PTPRZ1: variants seen among roughly 807,000 people sequenced by gnomAD.
PTPRZ1 encodes the protein receptor-type tyrosine-protein phosphatase zeta.
Under a neutral mutation model 214.1 loss-of-function variants are expected in PTPRZ1, and 82 were observed. The observed-to-expected ratio is 0.38, with a 90% CI of 0.32 to 0.46. The LOEUF is 0.46. PTPRZ1 is among the 20% of genes least tolerant of loss of function. The probability of loss-of-function intolerance (pLI) is 1.00; values close to 1 mark genes in which losing one functional copy is unlikely to be tolerated. For synonymous variants in PTPRZ1, 945 were observed against 987.9 expected (o/e 0.96, Z 0.81); for missense variants, 2,603 against 2,748.7 (o/e 0.95, Z 1.19).
chr7:122,021,898 T>G (rs1231372839), intron 13 of PTPRZ1, among the ~76,000 whole-genome samples: 1 of 152,210 alleles, frequency 6.6e-6, no homozygotes, highest in African/African-American at 2.4e-5. Flanking sequence ...AAATATAAAT[T>G]TTCATATCAT....
intron 1 of PTPRZ1, among the ~76,000 whole-genome samples, chr7:121,891,226 G>A (rs1794596151): frequency 6.6e-6 from 1 of 151,992 alleles, no homozygotes; most frequent in South Asian, 2.1e-4. Context: ...CAGTGATATT[G>A]CAACCACCTC....
At chr7:122,000,556 A>G (rs1406922954) in intron 10 of PTPRZ1, among the ~76,000 whole-genome samples, 3 of 149,086 alleles carry the variant, frequency 2.0e-5, no homozygotes, top group Non-Finnish European at 3.0e-5. Flanking sequence ...TTTAGGATAA[A>G]CTGTTTACTA....
intron 23 of PTPRZ1, among the ~76,000 whole-genome samples, chr7:122,045,214 T>C (rs1799851981): frequency 1.3e-5 from 2 of 152,168 alleles, no homozygotes; most frequent in Non-Finnish European, 2.9e-5. Flanking sequence ...ATCGTAGCTT[T>C]CCACAGGAAT....
intron 24 of PTPRZ1, 132 bp from the exon 25 acceptor site, chr7:122,051,734 G>T: frequency 1.1e-6 from 1 of 929,104 alleles, no homozygotes; most frequent in South Asian, 1.5e-5. Flanking sequence ...ACAGATCAGA[G>T]ACACTTCAAC....
chr7:121,885,632 A>G lies in PTPRZ1; in HGVS notation c.58+12075A>G, dbSNP rs141334314. On this transcript the variant is annotated intron_variant, in intron 1 of 29. Transcript: ENST00000393386. ...ATTCTTGGCATAAGAAATCAAGAAA[A>G]CACAAGATGCTTCCATGTTTCTCAA... Among the ~76,000 whole-genome samples, 562 of 152,306 alleles carry G rather than the reference A, an allele frequency of 3.7e-3. 3 individuals are homozygous for G. The highest frequency in any genetic ancestry group is 6.2e-3 in the Admixed American group (94 of 15,282).
At chr7:121,924,601 T>C (rs1186537900) in intron 1 of PTPRZ1, among the ~76,000 whole-genome samples, 2 of 152,172 alleles carry the variant, frequency 1.3e-5, no homozygotes, top group Admixed American at 1.3e-4. Flanking sequence ...GGGATAAAAC[T>C]CTACAAGGAA....
At chr7:121,947,132 TCTTGTCC>T (rs1350708775) in intron 2 of PTPRZ1, among the ~76,000 whole-genome samples, 3 of 152,150 alleles carry the variant, frequency 2.0e-5, no homozygotes, top group Non-Finnish European at 4.4e-5. Flanking sequence ...AGGAAAATAT[TCTTGTCC>T]TTAAGAAGCT....
chr7:122,035,358 A>G (rs1041675893), intron 17 of PTPRZ1, among the ~76,000 whole-genome samples: 4 of 152,140 alleles, frequency 2.6e-5, no homozygotes, highest in Non-Finnish European at 5.9e-5. Context: ...AACTGCGTCT[A>G]TCCTGGCTAC....
rs948745901 is a variant in PTPRZ1 at position 121,930,233 on chromosome 7, A to T, written c.124+2012A>T. On this transcript the variant is annotated intron_variant, in intron 2 of 29. Transcript: ENST00000393386. ...GACCTCTGTAATATTGTACAGAAAG[A>T]CCTACTATTAATTTACTCATTTATA... Among the ~76,000 whole-genome samples the T allele has an allele frequency of 5.9e-5, 9 of 152,126 alleles. No homozygotes were observed. The East Asian group carries it at 1.7e-3, about 29-fold the overall frequency.
Position 122,028,557 on chromosome 7 carries a change from G to T in PTPRZ1, c.4994G>T (p.Cys1665Phe), listed in dbSNP as rs1389040369. The stretch of plus-strand genomic sequence containing the variant: ...TTGTGTTCTTTTATTTCCAGGAAAT[G>T]CTTCCAGACTGCACACTTTTACTTA... Reference protein sequence around the residue: ...LVGILIYWRKCFQTAHFYLED... With the variant: ...LVGILIYWRKFFQTAHFYLED... Residue 1665 changes from cysteine to phenylalanine, a missense_variant, in exon 14 of 30, where the codon TGC becomes TTC. Coordinates refer to ENST00000393386, the MANE Select transcript of PTPRZ1 (RefSeq NM_002851.3). 2 of 1,531,928 alleles carry T rather than the reference G, an allele frequency of 1.3e-6. No homozygotes were observed. Among genetic ancestry groups the T allele is most frequent in the African/African-American group, 2.7e-5 (2 of 72,974 alleles). 94.9% of individuals were successfully genotyped at this position (1,531,928 alleles called of 1,614,324 possible). A position where few individuals can be genotyped will look rare whatever the true frequency, so the allele number is the denominator to read the frequency against.
At position 122,054,266 on chromosome 7, in the gene PTPRZ1, T is replaced by C. The variant is rs924936014; in HGVS notation, c.6381+228T>C. On this transcript the variant is annotated intron_variant, in intron 26 of 29. Transcript: ENST00000393386. ...GAAAGTAGATATAAATGAACTTAAA[T>C]GTATGTGTTTTGTGACATTGCTTAA... Among the ~76,000 whole-genome samples, 10 of 152,316 alleles carry C rather than the reference T, an allele frequency of 6.6e-5. No homozygotes were observed. In the South Asian group the frequency reaches 1.7e-3, roughly 25 times the overall value.
chr7:121,876,360 C>A (rs1322769978), intron 1 of PTPRZ1, among the ~76,000 whole-genome samples: 1 of 152,114 alleles, frequency 6.6e-6, no homozygotes, highest in Admixed American at 6.5e-5. Context: ...AATTCAGGAT[C>A]TTTGAATTAA....
chr7:121,882,739 A>C lies in PTPRZ1; in HGVS notation c.58+9182A>C, dbSNP rs1794281012. On this transcript the variant is annotated intron_variant, in intron 1 of 29. Transcript: ENST00000393386. ...AAGCCGAGGGAGACAGGGAATCAGGAAGCTTGGTTAAAAGCCTCTTACACG... is the reference window on the plus strand; with the variant it reads ...AAGCCGAGGGAGACAGGGAATCAGGCAGCTTGGTTAAAAGCCTCTTACACG... 2.6e-5 allele frequency among the ~76,000 whole-genome samples: 4 copies of C among 152,302 alleles called. 1 individual carries two copies. In the South Asian group the frequency reaches 8.3e-4, roughly 32 times the overall value.
intron 1 of PTPRZ1, among the ~76,000 whole-genome samples, chr7:121,916,467 C>A (rs1795431493): frequency 6.6e-6 from 1 of 152,048 alleles, no homozygotes; most frequent in Non-Finnish European, 1.5e-5. Context: ...GAACAGTAAA[C>A]CTGGAGAGAA....
intron 10 of PTPRZ1, among the ~76,000 whole-genome samples, chr7:122,000,982 C>A (rs1444352453): frequency 2.6e-5 from 4 of 151,884 alleles, no homozygotes; most frequent in Non-Finnish European, 5.9e-5. Flanking sequence ...CCGCACCTGG[C>A]CAGATTTCAA....
chr7:121,963,534 C>G (rs1345837333), intron 2 of PTPRZ1, among the ~76,000 whole-genome samples: 2 of 151,866 alleles, frequency 1.3e-5, no homozygotes, highest in African/African-American at 4.8e-5. Flanking sequence ...GGGTGGTCTT[C>G]TGGTGCACAT....
intron 2 of PTPRZ1, among the ~76,000 whole-genome samples, chr7:121,933,955 G>T (rs1254409779): frequency 2.6e-5 from 4 of 152,106 alleles, no homozygotes; most frequent in Middle Eastern, 6.8e-3. Flanking sequence ...TTGAGCAGTA[G>T]AAAAGAGAGT....
chr7:122,019,069 C>T, intron 12 of PTPRZ1, 55 bp from the exon 13 acceptor site: 1 of 1,496,286 alleles, frequency 6.7e-7, no homozygotes, highest in Non-Finnish European at 9.1e-7. Flanking sequence ...TTGAAAAATG[C>T]TGTGACTTTT....
At chr7:121,943,958 T>A (rs891237106) in intron 2 of PTPRZ1, among the ~76,000 whole-genome samples, 1 of 152,178 alleles carries the variant, frequency 6.6e-6, no homozygotes, top group African/African-American at 2.4e-5. Context: ...GTGCTTCAGC[T>A]CTCTGGATGA....
Sources: allele counts gnomAD v4.1 joint callset (sites outside exome capture counted in the v4.1 genomes callset), GRCh38; gene constraint gnomAD v4.1.1; transcripts MANE v1.5; gene names NCBI Gene and HGNC (gene_info 2026-07-23, HGNC 2026-07-21).